PACSIN1: variants seen among roughly 807,000 people sequenced by gnomAD.
PACSIN1 encodes protein kinase C and casein kinase substrate in neurons 1.
PACSIN1 carries 15 observed loss-of-function variants against 59.5 expected under a neutral mutation model. The ratio of observed to expected loss-of-function variants is 0.25; its 90% CI spans 0.17 to 0.39. The LOEUF (loss-of-function observed/expected upper bound fraction) is 0.39, where lower values mean the gene tolerates loss of function less well. Ranked by LOEUF, PACSIN1 falls within the 10% of genes least tolerant of loss-of-function variation. The pLI is 1.00. For missense variants in PACSIN1, 420 were observed against 580.2 expected (o/e 0.72, Z 2.84); for synonymous variants, 210 against 220.6 (o/e 0.95, Z 0.42).
At chr6:34,471,074 T>C (rs1192196905) in intron 1 of PACSIN1, among the ~76,000 whole-genome samples, 1 of 152,088 alleles carries the variant, frequency 6.6e-6, no homozygotes, top group East Asian at 1.9e-4. Flanking sequence ...GCCTCCTGAG[T>C]AGCTGAGATT....
chr6:34,532,468 C>A lies in PACSIN1; in HGVS notation c.1273C>A (p.Arg425Ser). ...CGAGGAGGATGAGCAGGGCTGGTGC[C>A]GTGGGCGGCTGGACAGCGGGCAGCT... ...LGEEDEQGWC[R>S]GRLDSGQLGL... The change falls in exon 10 of 10, where the codon CGT becomes AGT. Residue 425 changes from arginine (R) to serine (S), a missense_variant. Physicochemically the swap from Arg to Ser is moderately radical, Grantham distance 110 (BLOSUM62 -1). Coordinates refer to ENST00000244458, the MANE Select transcript of PACSIN1 (RefSeq NM_020804.5). This position sits in a 1 kb window ranked among gnomAD's most constrained non-coding sequence, Gnocchi z 5.2. 6.3e-7 allele frequency: 1 copy of A among 1,576,782 alleles called. No individual in the cohort carries two copies. The highest frequency in any genetic ancestry group is 8.6e-7 in the Non-Finnish European group (1 of 1,160,868).
rs1767464466 is a variant in PACSIN1 at position 34,525,417 on chromosome 6, A to G, written c.-63-826A>G. Among the ~76,000 whole-genome samples, 1 of 152,222 alleles carries G rather than the reference A, an allele frequency of 6.6e-6. No homozygotes were observed. Among genetic ancestry groups the G allele is most frequent in the African/African-American group, 2.4e-5 (1 of 41,458 alleles). ...GGACCCCCAGGTTGGGCTGAATCTT[A>G]CAGAGGCCAGCCTTCCCTGAGCATC... On this transcript the variant is annotated intron_variant, in intron 1 of 9. Transcript: ENST00000244458. The surrounding 1 kb of genome is among the most constrained non-coding windows in gnomAD (Gnocchi z 4.9).
chr6:34,510,310 C>T (rs1157805254), intron 1 of PACSIN1, among the ~76,000 whole-genome samples: 1 of 152,228 alleles, frequency 6.6e-6, no homozygotes, highest in Non-Finnish European at 1.5e-5. Context: ...TCCCTTTCTC[C>T]CCGTGCTAAA....
chr6:34,504,268 G>A (rs1205857568), intron 1 of PACSIN1, among the ~76,000 whole-genome samples: 1 of 96,892 alleles, frequency 1.0e-5, no homozygotes, highest in Non-Finnish European at 2.2e-5. Flanking sequence ...GTGTGTGTGT[G>A]TGTATATATA....
chr6:34,505,431 C>A (rs1014757140), intron 1 of PACSIN1, among the ~76,000 whole-genome samples: 8 of 151,754 alleles, frequency 5.3e-5, no homozygotes, highest in Non-Finnish European at 1.0e-4. Context: ...TTTTTCAGCC[C>A]CGACTCTTTC....
chr6:34,504,465 AT>A (rs1440341323), intron 1 of PACSIN1, among the ~76,000 whole-genome samples: 8 of 151,880 alleles, frequency 5.3e-5, no homozygotes, highest in African/African-American at 1.9e-4. Flanking sequence ...TAATTTTTGT[AT>A]TTTTAGTAGA....
chr6:34,529,796 T>A lies in PACSIN1; in HGVS notation c.743T>A (p.Val248Glu). The change falls in exon 6 of 10, where the codon GTG becomes GAG. Residue 248 changes from valine (V) to glutamate (E), a missense_variant. Coordinates refer to ENST00000244458, the MANE Select transcript of PACSIN1 (RefSeq NM_020804.5). The surrounding 1 kb of genome is among the most constrained non-coding windows in gnomAD (Gnocchi z 6.3). ...AAGCGGCTGGTCTTCCTCAAGGAGGTGCTGCTGGACATCAAACGGCACCTC... is the reference window on the plus strand; with the variant it reads ...AAGCGGCTGGTCTTCCTCAAGGAGGAGCTGCTGGACATCAAACGGCACCTC... Reference protein sequence around the residue: ...EEKRLVFLKEVLLDIKRHLNL... With the variant: ...EEKRLVFLKEELLDIKRHLNL... 1 of 1,613,662 alleles carries A rather than the reference T, an allele frequency of 6.2e-7. No homozygotes were observed. The highest frequency in any genetic ancestry group is 8.5e-7 in the Non-Finnish European group (1 of 1,179,876).
intron 1 of PACSIN1, among the ~76,000 whole-genome samples, chr6:34,493,977 G>A (rs1402698257): frequency 1.3e-5 from 2 of 152,076 alleles, no homozygotes; most frequent in African/African-American, 4.8e-5. Context: ...TAGCTCCTTT[G>A]GTTCTCATAA....
chr6:34,486,610 C>T (rs1766797913), intron 1 of PACSIN1, among the ~76,000 whole-genome samples: 1 of 152,072 alleles, frequency 6.6e-6, no homozygotes, highest in African/African-American at 2.4e-5. Flanking sequence ...CGCTGGTCCT[C>T]TTCCTCCCTC....
chr6:34,520,068 G>A (rs1275839877), intron 1 of PACSIN1, among the ~76,000 whole-genome samples: 1 of 152,108 alleles, frequency 6.6e-6, no homozygotes, highest in Non-Finnish European at 1.5e-5. Flanking sequence ...GGAAGCAGAG[G>A]TTTTTTGGGG....
chr6:34,468,512 C>G (rs1227799190), intron 1 of PACSIN1, among the ~76,000 whole-genome samples: 1 of 152,232 alleles, frequency 6.6e-6, no homozygotes, highest in Non-Finnish European at 1.5e-5. Flanking sequence ...ATTCCCACAC[C>G]CAGGCTGACT....
At position 34,529,814 on chromosome 6, in the gene PACSIN1, G is replaced by A. The variant is rs758799535; in HGVS notation, c.761G>A (p.Arg254Gln). 5.0e-6 allele frequency: 8 copies of A among 1,613,762 alleles called. No individual in the cohort carries two copies. The highest frequency in any genetic ancestry group is 2.2e-5 in the South Asian group (2 of 91,018). ...FLKEVLLDIKRHLNLAENSSY... is the reference protein window; with the variant it reads ...FLKEVLLDIKQHLNLAENSSY... ...AAGGAGGTGCTGCTGGACATCAAAC[G>A]GCACCTCAACCTGGCTGAGAACAGC... Residue 254 changes from arginine (R) to glutamine (Q), a missense_variant, in exon 6 of 10, where the codon CGG becomes CAG. Coordinates refer to ENST00000244458, the MANE Select transcript of PACSIN1 (RefSeq NM_020804.5). The surrounding 1 kb of genome is among the most constrained non-coding windows in gnomAD (Gnocchi z 6.3).
chr6:34,507,587 T>C (rs1335459789), intron 1 of PACSIN1, among the ~76,000 whole-genome samples: 1 of 151,796 alleles, frequency 6.6e-6, no homozygotes, highest in South Asian at 2.1e-4. Flanking sequence ...AGATCTACCC[T>C]TCTAACAGAA....
rs1581971338 is a variant in PACSIN1 at position 34,503,274 on chromosome 6, A to G, written c.-63-22969A>G. Among the ~76,000 whole-genome samples, 2 of 150,768 alleles carry G rather than the reference A, an allele frequency of 1.3e-5. 1 individual carries two copies. The highest frequency in any genetic ancestry group is 4.3e-4 in the South Asian group (2 of 4,694). On this transcript the variant is annotated intron_variant, in intron 1 of 9. Coordinates refer to ENST00000244458, the MANE Select transcript of PACSIN1 (RefSeq NM_020804.5). ...TCAGAGCGAGATCCTGTCAAAAAAA[A>G]AAAAAAGAAAAAGAAAAAGAAAAAA...
chr6:34,506,805 C>A (rs1039892934), intron 1 of PACSIN1, among the ~76,000 whole-genome samples: 5 of 152,282 alleles, frequency 3.3e-5, no homozygotes, highest in African/African-American at 1.2e-4. Flanking sequence ...GACCTGATTA[C>A]TCTTGGGTGG....
At position 34,494,808 on chromosome 6, in the gene PACSIN1, G is replaced by A. The variant is rs374442592; in HGVS notation, c.-64+28538G>A. ...GTCCTTGGACCATACTTTGAGTATC[G>A]AGGCATTAGATCACTTCCCCAGCTA... On this transcript the variant is annotated intron_variant, in intron 1 of 9. Transcript: ENST00000244458. Among the ~76,000 whole-genome samples the A allele has an allele frequency of 2.0e-5, 3 of 152,224 alleles. No individual in the cohort carries two copies. In the East Asian group the frequency reaches 5.8e-4, roughly 29 times the overall value.
rs1482439903 is a variant in PACSIN1 at position 34,518,126 on chromosome 6, G to T, written c.-63-8117G>T. On this transcript the variant is annotated intron_variant, in intron 1 of 9. Coordinates refer to ENST00000244458, the MANE Select transcript of PACSIN1 (RefSeq NM_020804.5). The surrounding 1 kb of genome is among the most constrained non-coding windows in gnomAD (Gnocchi z 4.4). The stretch of plus-strand genomic sequence containing the variant: ...CTCCAATCCAGCTGTGACCAGAGCT[G>T]CTCTGCCCGGCCAGGCCCCGGAAGA... Among the ~76,000 whole-genome samples, 2 of 152,234 alleles carry T rather than the reference G, an allele frequency of 1.3e-5. No individual in the cohort carries two copies. Among genetic ancestry groups the T allele is most frequent in the Non-Finnish European group, 2.9e-5 (2 of 68,034 alleles).
chr6:34,475,431 T>C (rs2127240118), intron 1 of PACSIN1, among the ~76,000 whole-genome samples: 1 of 152,360 alleles, frequency 6.6e-6, no homozygotes, highest in East Asian at 1.9e-4. Context: ...AATGATTTAT[T>C]GCAGGCATGC....
rs1766824085 is a variant in PACSIN1 at position 34,488,286 on chromosome 6, C to G, written c.-64+22016C>G. Reference sequence around the variant, plus strand: ...CCAGGGAATTACCTGGCTGCCAAGGCTATTATTCTTCCCTGCCCCTTGCCA... The same window carrying G: ...CCAGGGAATTACCTGGCTGCCAAGGGTATTATTCTTCCCTGCCCCTTGCCA... On this transcript the variant is annotated intron_variant, in intron 1 of 9. Transcript: ENST00000244458. This position sits in a 1 kb window ranked among gnomAD's most constrained non-coding sequence, Gnocchi z 4.7. 6.6e-6 allele frequency among the ~76,000 whole-genome samples: 1 copy of G among 152,170 alleles called. No homozygotes were observed. Among genetic ancestry groups the G allele is most frequent in the South Asian group, 2.1e-4 (1 of 4,826 alleles).
Sources: allele counts gnomAD v4.1 joint callset (sites outside exome capture counted in the v4.1 genomes callset), GRCh38; gene constraint gnomAD v4.1.1; non-coding constraint Gnocchi (gnomAD v3.1); transcripts MANE v1.5; gene names NCBI Gene and HGNC (gene_info 2026-07-23, HGNC 2026-07-21).